KCNH8: variants seen among roughly 807,000 people sequenced by gnomAD.
KCNH8 encodes voltage-gated delayed rectifier potassium channel KCNH8.
A neutral mutation model predicts 103.6 loss-of-function variants in KCNH8; 70 were observed. The ratio of observed to expected loss-of-function variants is 0.68; its 90% CI spans 0.56 to 0.82. The LOEUF (loss-of-function observed/expected upper bound fraction) is 0.82. Among genes scored for constraint, KCNH8 ranks in the 40% least tolerant of loss-of-function variants. The probability of loss-of-function intolerance (pLI) is 0.00; values close to 1 mark genes in which losing one functional copy is unlikely to be tolerated. For missense variants in KCNH8, 1,217 were observed against 1,329.9 expected, an observed-to-expected ratio of 0.92 and a Z score of 1.32; for synonymous variants, 498 against 489.4, an observed-to-expected ratio of 1.02 and a Z score of -0.23.
chr3:19,290,449 A>T (rs1020471097), intron 3 of KCNH8, among the ~76,000 whole-genome samples: 2 of 152,206 alleles, frequency 1.3e-5, no homozygotes, highest in Admixed American at 1.3e-4. Flanking sequence ...GAAAGTTTTT[A>T]TCATGAAGAG....
chr3:19,529,881 G>A (rs1470251828), intron 15 of KCNH8, among the ~76,000 whole-genome samples: 1 of 152,166 alleles, frequency 6.6e-6, no homozygotes, highest in Non-Finnish European at 1.5e-5. Flanking sequence ...TCCCTCTAGA[G>A]TTAAAGAAAC....
chr3:19,163,212 A>T (rs1360100999), intron 1 of KCNH8, among the ~76,000 whole-genome samples: 3 of 151,400 alleles, frequency 2.0e-5, no homozygotes, highest in South Asian at 2.1e-4. Context: ...TGATTTAAAT[A>T]TGACAAAATA....
chr3:19,196,738 C>CA lies in KCNH8; in HGVS notation c.76+47950dup, dbSNP rs895367993. 2.0e-4 allele frequency among the ~76,000 whole-genome samples: 30 copies of CA among 151,564 alleles called. 1 individual carries two copies. In the East Asian group the frequency reaches 4.1e-3, roughly 21 times the overall value. Reference sequence around the variant, plus strand: ...TTCTCTGGATTCTCCTTTGAGAATCCAAAAAAATCCAACTAGTTGACTGAT... The same window carrying CA: ...TTCTCTGGATTCTCCTTTGAGAATCCAAAAAAAATCCAACTAGTTGACTGAT... On this transcript the variant is annotated intron_variant, in intron 1 of 15. Transcript: ENST00000328405.
rs188097376 is a variant in KCNH8 at position 19,340,301 on chromosome 3, T to C, written c.443-2286T>C. Among the ~76,000 whole-genome samples, 992 of 152,018 alleles carry C rather than the reference T, an allele frequency of 6.5e-3. 7 individuals are homozygous for C. The highest frequency in any genetic ancestry group is 0.011 in the Non-Finnish European group (723 of 67,946). ...TTAAATAAACAGATTTTAATGTTTT[T>C]GTATTTTGCAATAATTGTGACATAG... On this transcript the variant is annotated intron_variant, in intron 3 of 15. Coordinates refer to ENST00000328405, the MANE Select transcript of KCNH8 (RefSeq NM_144633.3).
At chr3:19,163,344 T>C (rs1190122067) in intron 1 of KCNH8, among the ~76,000 whole-genome samples, 1 of 150,794 alleles carries the variant, frequency 6.6e-6, no homozygotes, top group East Asian at 1.9e-4. Flanking sequence ...AAAAGTAAAT[T>C]TTATAGGTTT....
At chr3:19,243,312 G>C (rs1410694416) in intron 1 of KCNH8, among the ~76,000 whole-genome samples, 1 of 152,030 alleles carries the variant, frequency 6.6e-6, no homozygotes, top group Non-Finnish European at 1.5e-5. Flanking sequence ...CTTGCCTTAA[G>C]CAAGTATCAC....
intron 3 of KCNH8, among the ~76,000 whole-genome samples, chr3:19,341,726 T>G (rs1017410393): frequency 6.6e-6 from 1 of 152,146 alleles, no homozygotes; most frequent in African/African-American, 2.4e-5. Context: ...ACTCATGATT[T>G]TTATAATATA....
intron 3 of KCNH8, among the ~76,000 whole-genome samples, chr3:19,296,281 G>C (rs2125285752): frequency 6.6e-6 from 1 of 152,178 alleles, no homozygotes; most frequent in South Asian, 2.1e-4. Flanking sequence ...ACATAATTAG[G>C]GGACTGCTCC....
rs1559407203 is a variant in KCNH8 at position 19,170,812 on chromosome 3, T to TATATA, written c.76+22017_76+22018insATATA. ...CACATATATATATATATATATATATTTTTTTTTTTTTTTTTGAGACGAAGT... is the reference window on the plus strand; with the variant it reads ...CACATATATATATATATATATATATTATATATTTTTTTTTTTTTTTGAGACGAAGT... On this transcript the variant is annotated intron_variant, in intron 1 of 15. Coordinates refer to ENST00000328405, the MANE Select transcript of KCNH8 (RefSeq NM_144633.3). Among the ~76,000 whole-genome samples the TATATA allele has an allele frequency of 3.9e-5, 4 of 101,542 alleles. 1 individual carries two copies. Among genetic ancestry groups the TATATA allele is most frequent in the Admixed American group, 3.8e-4 (4 of 10,428 alleles). 66.6% of individuals were successfully genotyped at this position (101,542 alleles called of 152,430 possible).
At chr3:19,277,472 C>G (rs1406731401) in intron 2 of KCNH8, among the ~76,000 whole-genome samples, 1 of 151,962 alleles carries the variant, frequency 6.6e-6, no homozygotes, top group Non-Finnish European at 1.5e-5. Flanking sequence ...GCTGAGGTGG[C>G]AGGATTGTTT....
At chr3:19,251,184 A>G (rs1179051219) in intron 1 of KCNH8, among the ~76,000 whole-genome samples, 1 of 152,160 alleles carries the variant, frequency 6.6e-6, no homozygotes, top group Non-Finnish European at 1.5e-5. Context: ...GTTTATGACT[A>G]TGCGATCGTT....
Position 19,522,221 on chromosome 3 carries a change from T to C in KCNH8, c.2619+4147T>C, listed in dbSNP as rs2068983232. The stretch of plus-strand genomic sequence containing the variant: ...CATAGCAACTTGTATTAATTGATTA[T>C]TGAGGCTGAGAGGTCTCATGATCTG... On this transcript the variant is annotated intron_variant, in intron 15 of 15. Coordinates refer to ENST00000328405, the MANE Select transcript of KCNH8 (RefSeq NM_144633.3). 2.0e-5 allele frequency among the ~76,000 whole-genome samples: 3 copies of C among 151,904 alleles called. No homozygotes were observed. In the South Asian group the frequency reaches 6.2e-4, roughly 31 times the overall value.
At chr3:19,156,131 A>G (rs778569578) in intron 1 of KCNH8, among the ~76,000 whole-genome samples, 1 of 152,122 alleles carries the variant, frequency 6.6e-6, no homozygotes, top group African/African-American at 2.4e-5. Flanking sequence ...TTCAAGCACA[A>G]ATTTCTTTTA....
At chr3:19,484,151 C>T (rs1181085762) in intron 11 of KCNH8, among the ~76,000 whole-genome samples, 2 of 152,120 alleles carry the variant, frequency 1.3e-5, no homozygotes, top group South Asian at 2.1e-4. Flanking sequence ...TATGAGTCCT[C>T]ACCAGTCTTT....
intron 14 of KCNH8, 61 bp from the exon 15 acceptor site, chr3:19,517,937 C>T (rs1450398568): frequency 3.7e-6 from 5 of 1,343,712 alleles, no homozygotes; most frequent in East Asian, 4.6e-5. Context: ...CTAATTGCCT[C>T]GATCCTCAAA....
intron 10 of KCNH8, among the ~76,000 whole-genome samples, chr3:19,452,150 G>A (rs368278966): frequency 4.9e-4 from 75 of 152,194 alleles, no homozygotes; most frequent in African/African-American, 1.7e-3. Context: ...TTTTGCAGAC[G>A]AGGCAGGTGG....
At chr3:19,275,074 C>G (rs1234434169) in intron 2 of KCNH8, among the ~76,000 whole-genome samples, 1 of 151,408 alleles carries the variant, frequency 6.6e-6, no homozygotes, top group Non-Finnish European at 1.5e-5. Flanking sequence ...CTTTACATCT[C>G]TACCTCAAAT....
In KCNH8 at chr3:19,288,181, CTTTTTTTTTTTTTTTTT is replaced by C. The variant is rs767659898; in HGVS notation, c.442+6866_442+6882del. 9.4e-3 allele frequency among the ~76,000 whole-genome samples: 361 copies of C among 38,206 alleles called. 9 individuals are homozygous for C. The highest frequency in any genetic ancestry group is 0.032 in the African/African-American group (330 of 10,420). 25.1% of individuals were successfully genotyped at this position (38,206 alleles called of 152,430 possible). On this transcript the variant is annotated intron_variant, in intron 3 of 15. Coordinates refer to ENST00000328405, the MANE Select transcript of KCNH8 (RefSeq NM_144633.3). ...CTTCTTGCACCGGTGTATCAAACTT[CTTTTTTTTTTTTTTTTT>C]TTTTTTTTTTTTTAGTATTAAAGCT...
intron 11 of KCNH8, among the ~76,000 whole-genome samples, chr3:19,481,335 TTC>T (rs2068082901): frequency 6.6e-6 from 1 of 152,104 alleles, no homozygotes; most frequent in Admixed American, 6.5e-5. Flanking sequence ...TGAGCTCCAT[TTC>T]TCTCTTTTGT....
Sources: gnomAD v4.1 joint callset for allele counts (sites outside exome capture counted in the v4.1 genomes callset) on GRCh38, gnomAD v4.1.1 for gene constraint, MANE v1.5 for transcripts, NCBI Gene and HGNC (gene_info 2026-07-23, HGNC 2026-07-21) for gene names.